The following PPARGC1A variants were observed in gnomAD, a reference collection of about 807,000 sequenced individuals.
PPARGC1A encodes the protein PPARG coactivator 1 alpha, also known as peroxisome proliferator-activated receptor gamma coactivator 1-alpha.
Under a neutral mutation model 88.7 loss-of-function variants are expected in PPARGC1A, and 25 were observed. The ratio of observed to expected loss-of-function variants is 0.28; its 90% CI spans 0.21 to 0.39. The LOEUF is 0.39. Among genes scored for constraint, PPARGC1A ranks in the 10% least tolerant of loss-of-function variants. The pLI, the probability that PPARGC1A is intolerant of heterozygous loss-of-function variation, is 1.00. For missense variants in PPARGC1A, 880 were observed against 968.7 expected, an observed-to-expected ratio of 0.91 and a Z score of 1.22; for synonymous variants, 363 against 355.6, an observed-to-expected ratio of 1.02 and a Z score of -0.24.
the PPARGC1A span, among the ~76,000 whole-genome samples, chr4:23,995,549 C>T: frequency 1.3e-5 from 2 of 152,322 alleles, no homozygotes; most frequent in South Asian, 4.1e-4. Context: ...GAGCACCTCA[C>T]ATCACTCTCC....
chr4:24,012,937 C>T, the PPARGC1A span, among the ~76,000 whole-genome samples: 1 of 152,150 alleles, frequency 6.6e-6, no homozygotes, highest in African/African-American at 2.4e-5. Flanking sequence ...ATCCTGTCTG[C>T]TACCTGTAAA....
the PPARGC1A span, among the ~76,000 whole-genome samples, chr4:24,178,072 T>C: frequency 9.8e-5 from 15 of 152,306 alleles, no homozygotes; most frequent in South Asian, 2.9e-3. Context: ...ACATCCTTGG[T>C]GAAAATATTT....
intron 2 of PPARGC1A, among the ~76,000 whole-genome samples, chr4:23,860,443 G>A (rs1255682504): frequency 1.3e-5 from 2 of 152,136 alleles, no homozygotes; most frequent in African/African-American, 4.8e-5. Flanking sequence ...ACTGGATTCT[G>A]AGAGTAGATT....
the PPARGC1A span, among the ~76,000 whole-genome samples, chr4:23,938,339 T>G: frequency 6.6e-6 from 1 of 152,190 alleles, no homozygotes; most frequent in African/African-American, 2.4e-5. Flanking sequence ...AAGTAAAAAA[T>G]GCACATCTTC....
chr4:24,304,273 C>T, the PPARGC1A span, among the ~76,000 whole-genome samples: 1 of 152,200 alleles, frequency 6.6e-6, no homozygotes, highest in Non-Finnish European at 1.5e-5. Context: ...AAAGGATAGA[C>T]ATTTCCAATA....
intron 2 of PPARGC1A, 142 bp from the exon 3 acceptor site, chr4:23,831,893 C>T: frequency 1.5e-6 from 1 of 667,536 alleles, no homozygotes; most frequent in South Asian, 2.0e-5. Context: ...ATGTCTTTCT[C>T]AAACTCCAAA....
chr4:24,032,169 AC>A, the PPARGC1A span, among the ~76,000 whole-genome samples: 1 of 152,254 alleles, frequency 6.6e-6, no homozygotes, highest in East Asian at 1.9e-4. Context: ...ATTGCAAAGC[AC>A]CAAGCACTTT....
At chr4:24,025,082 G>T in the PPARGC1A span, among the ~76,000 whole-genome samples, 1 of 152,150 alleles carries the variant, frequency 6.6e-6, no homozygotes. Context: ...ATAAAATGTT[G>T]CTGTTTCTAA....
the PPARGC1A span, among the ~76,000 whole-genome samples, chr4:23,927,806 T>C: frequency 3.3e-5 from 5 of 152,154 alleles, no homozygotes; most frequent in African/African-American, 9.7e-5. Context: ...ACAATCAAAA[T>C]TCAGTTTCTG....
chr4:24,269,552 TTTA>T, the PPARGC1A span, among the ~76,000 whole-genome samples: 2 of 152,172 alleles, frequency 1.3e-5, no homozygotes, highest in Non-Finnish European at 2.9e-5. Context: ...TCTCAGTCAC[TTTA>T]TTTATAAAAG....
chr4:23,795,745 G>A lies in PPARGC1A; in HGVS notation c.*77C>T, dbSNP rs1717468932. On this transcript the variant is annotated 3_prime_UTR_variant, in exon 13 of 13. Transcript: ENST00000264867. ...TAGGAGAAATTCCTAAGTATGACTT[G>A]CAATAGTCTTTAGGGAAGGACGCGC... 8 of 1,118,936 alleles carry A rather than the reference G, an allele frequency of 7.1e-6. No individual in the cohort carries two copies. In the East Asian group the frequency reaches 9.9e-5, roughly 14 times the overall value. The allele number at this position is 1,118,936 out of a possible 1,614,324, so 69.3% of individuals were successfully genotyped here. A position where few individuals can be genotyped will look rare whatever the true frequency, so the allele number is the denominator to read the frequency against.
the PPARGC1A span, among the ~76,000 whole-genome samples, chr4:24,117,819 T>C: frequency 3.3e-5 from 5 of 152,234 alleles, no homozygotes; most frequent in Admixed American, 3.3e-4. Flanking sequence ...ATGATACTCA[T>C]GTCCACAGCA....
chr4:24,451,383 A>G, the PPARGC1A span, among the ~76,000 whole-genome samples: 2 of 152,218 alleles, frequency 1.3e-5, no homozygotes, highest in African/African-American at 4.8e-5. Flanking sequence ...GACTTCTAAA[A>G]CAAGCACGAC....
At chr4:23,842,484 G>T (rs547030940) in intron 2 of PPARGC1A, among the ~76,000 whole-genome samples, 1 of 152,202 alleles carries the variant, frequency 6.6e-6, no homozygotes, top group East Asian at 1.9e-4. Context: ...AGACAGAAAT[G>T]CAGATTTCAA....
the PPARGC1A span, among the ~76,000 whole-genome samples, chr4:23,910,918 G>A: frequency 3.9e-5 from 6 of 151,950 alleles, no homozygotes; most frequent in Non-Finnish European, 7.4e-5. Context: ...GGGCAGCCTG[G>A]TTCCAGAATT....
chr4:24,166,033 G>C, the PPARGC1A span, among the ~76,000 whole-genome samples: 2 of 152,192 alleles, frequency 1.3e-5, no homozygotes, highest in Non-Finnish European at 2.9e-5. Flanking sequence ...TGAATGCAGA[G>C]GAAAAGTTGT....
chr4:24,096,674 G>GCAGT, the PPARGC1A span, among the ~76,000 whole-genome samples: 1 of 152,192 alleles, frequency 6.6e-6, no homozygotes, highest in African/African-American at 2.4e-5. Flanking sequence ...GTGTGGGCCT[G>GCAGT]CAGTCATGCA....
the PPARGC1A span, among the ~76,000 whole-genome samples, chr4:24,445,449 C>G: frequency 3.3e-5 from 5 of 152,116 alleles, no homozygotes; most frequent in Non-Finnish European, 7.3e-5. Context: ...GTACTGGATT[C>G]GTATATTTTA....
the PPARGC1A span, among the ~76,000 whole-genome samples, chr4:24,173,008 A>G: frequency 6.6e-6 from 1 of 152,202 alleles, no homozygotes; most frequent in Non-Finnish European, 1.5e-5. Flanking sequence ...CGAACATTGT[A>G]TTTTAGTACC....
Sources: allele counts gnomAD v4.1 joint callset (sites outside exome capture counted in the v4.1 genomes callset), GRCh38; gene constraint gnomAD v4.1.1; transcripts MANE v1.5; gene names NCBI Gene and HGNC (gene_info 2026-07-23, HGNC 2026-07-21).